The following RNF138 variants were observed in gnomAD, a reference collection of about 807,000 sequenced individuals.
RNF138 encodes E3 ubiquitin-protein ligase RNF138.
In RNF138, 12 loss-of-function variants were observed where a neutral mutation model predicts 31.0. The ratio of observed to expected loss-of-function variants is 0.39; its 90% confidence interval spans 0.25 to 0.63. The LOEUF is 0.63. RNF138 is among the 20% of genes least tolerant of loss of function. The pLI is 0.52. For missense variants in RNF138, 192 were observed against 300.1 expected (o/e 0.64, Z 2.66); for synonymous variants, 105 against 99.5 (o/e 1.06, Z -0.33).
chr18:32,092,644 T>C, intron 1 of RNF138, 56 bp from the exon 2 acceptor site: 1 of 654,180 alleles, frequency 1.5e-6, no homozygotes, highest in Non-Finnish European at 2.8e-6. Flanking sequence ...CCCGCCCCCT[T>C]CCTGGCGCGC....
intron 2 of RNF138, among the ~76,000 whole-genome samples, chr18:32,110,204 G>A (rs1489111613): frequency 6.6e-6 from 1 of 152,018 alleles, no homozygotes; most frequent in African/African-American, 2.4e-5. Context: ...TGTTGCCCAG[G>A]CTGGTCTTCA....
chr18:32,128,184 T>G lies in RNF138; in HGVS notation c.670-935T>G, dbSNP rs1454488960. On this transcript the variant is annotated intron_variant, in intron 7 of 7. Transcript: ENST00000261593. ...AAAATTGATAGCAAATATAATTTTTTAAATTAAGGAGTAGTTTTATAACGA... is the reference window on the plus strand; with the variant it reads ...AAAATTGATAGCAAATATAATTTTTGAAATTAAGGAGTAGTTTTATAACGA... 3.3e-5 allele frequency among the ~76,000 whole-genome samples: 5 copies of G among 152,386 alleles called. No individual in the cohort carries two copies. In the East Asian group the frequency reaches 9.6e-4, roughly 29 times the overall value.
chr18:32,092,479 G>T (rs1432373896), intron 1 of RNF138: 3 of 377,256 alleles, frequency 8.0e-6, no homozygotes, highest in Non-Finnish European at 1.5e-5. Context: ...GGTGAGGGGC[G>T]AGCGGGGCGG....
chr18:32,105,007 T>C (rs2040005764), intron 2 of RNF138, among the ~76,000 whole-genome samples: 1 of 152,206 alleles, frequency 6.6e-6, no homozygotes, highest in African/African-American at 2.4e-5. Flanking sequence ...CAATAGTAAT[T>C]AGTATGGTTG....
In RNF138 at chr18:32,129,549, A is replaced by C. The variant is rs1483622992; in HGVS notation, c.*362A>C. On this transcript the variant is annotated 3_prime_UTR_variant, in exon 8 of 8. Coordinates refer to ENST00000261593, the MANE Select transcript of RNF138 (RefSeq NM_016271.5). The stretch of plus-strand genomic sequence containing the variant: ...TACTTTATTATTGTACACATTTAAC[A>C]CACAGTAGCAAATTTTGAACGATGT... 2 of 169,886 alleles carry C rather than the reference A, an allele frequency of 1.2e-5. No homozygotes were observed. The highest frequency in any genetic ancestry group is 4.8e-5 in the African/African-American group (2 of 42,028). 10.5% of individuals were successfully genotyped at this position (169,886 alleles called of 1,614,324 possible). A position where few individuals can be genotyped will look rare whatever the true frequency, so the allele number is the denominator to read the frequency against.
At chr18:32,126,029 T>G (rs2040378147) in intron 6 of RNF138, among the ~76,000 whole-genome samples, 1 of 152,248 alleles carries the variant, frequency 6.6e-6, no homozygotes. Flanking sequence ...GGCTAGAGTT[T>G]AATTACTGAA....
At chr18:32,118,930 A>G (rs1416797542) in intron 4 of RNF138, among the ~76,000 whole-genome samples, 1 of 152,240 alleles carries the variant, frequency 6.6e-6, no homozygotes, top group African/African-American at 2.4e-5. Context: ...GTCTTTTGAC[A>G]TAGAAAAGTA....
At chr18:32,124,978 TCAA>T (rs904522785) in intron 6 of RNF138, 133 bp downstream of exon 6, 13 of 583,482 alleles carry the variant, frequency 2.2e-5, no homozygotes, top group African/African-American at 1.3e-4. Context: ...TAGATTTTTG[TCAA>T]CAAAGGATTG....
At chr18:32,111,975 C>A in intron 3 of RNF138, 56 bp downstream of exon 3, 17 of 1,288,406 alleles carry the variant, frequency 1.3e-5, no homozygotes, top group Non-Finnish European at 1.7e-5. Flanking sequence ...CTCTGAAATT[C>A]TTATTTGAAT....
intron 7 of RNF138, among the ~76,000 whole-genome samples, chr18:32,128,081 A>G (rs1475902958): frequency 6.6e-6 from 1 of 151,394 alleles, no homozygotes. Context: ...CTCCGTCTCA[A>G]AAAAGAAAAG....
At chr18:32,093,101 C>T (rs948529557) in intron 2 of RNF138, among the ~76,000 whole-genome samples, 2 of 147,938 alleles carry the variant, frequency 1.4e-5, no homozygotes, top group African/African-American at 5.0e-5. Flanking sequence ...CCCCCTCAGC[C>T]CAAGCTCCCG....
At chr18:32,104,169 A>T (rs1461180032) in intron 2 of RNF138, among the ~76,000 whole-genome samples, 1 of 151,838 alleles carries the variant, frequency 6.6e-6, no homozygotes, top group Non-Finnish European at 1.5e-5. Context: ...ATATGCCACC[A>T]TGCCTGGCGA....
chr18:32,101,332 C>T (rs992131583), intron 2 of RNF138, among the ~76,000 whole-genome samples: 1 of 151,502 alleles, frequency 6.6e-6, no homozygotes, highest in African/African-American at 2.4e-5. Flanking sequence ...CATTCTTCTA[C>T]CTCAGTCTTC....
intron 6 of RNF138, chr18:32,125,113 G>A (rs548581231): frequency 6.9e-6 from 2 of 291,372 alleles, no homozygotes; most frequent in South Asian, 7.4e-5. Context: ...AAGATGAACC[G>A]GGAACTCATT....
At chr18:32,112,651 C>A (rs1289502933) in intron 3 of RNF138, among the ~76,000 whole-genome samples, 1 of 151,952 alleles carries the variant, frequency 6.6e-6, no homozygotes, top group Non-Finnish European at 1.5e-5. Context: ...CATTGCACTC[C>A]AAACTGGGCA....
At chr18:32,112,610 C>T (rs993219002) in intron 3 of RNF138, among the ~76,000 whole-genome samples, 4 of 151,946 alleles carry the variant, frequency 2.6e-5, no homozygotes, top group African/African-American at 9.7e-5. Context: ...TGAACCTGGG[C>T]GGCAGAGGTT....
At chr18:32,116,677 A>G (rs1349057525) in intron 4 of RNF138, among the ~76,000 whole-genome samples, 3 of 151,602 alleles carry the variant, frequency 2.0e-5, no homozygotes, top group Admixed American at 2.0e-4. Flanking sequence ...TCAGCCTCCC[A>G]TGTAGCTAGG....
At chr18:32,113,940 TG>T in intron 4 of RNF138, 80 bp downstream of exon 4, 3 of 727,794 alleles carry the variant, frequency 4.1e-6, no homozygotes, top group Non-Finnish European at 7.0e-6. Context: ...ATAAGGTATT[TG>T]GGGGGATGTG....
chr18:32,113,139 C>A (rs1456461567), intron 3 of RNF138, among the ~76,000 whole-genome samples: 1 of 152,144 alleles, frequency 6.6e-6, no homozygotes. Context: ...GTGGCACAAT[C>A]TCGGCTCACT....
Sources: allele counts gnomAD v4.1 joint callset (sites outside exome capture counted in the v4.1 genomes callset), GRCh38; gene constraint gnomAD v4.1.1; transcripts MANE v1.5; gene names NCBI Gene and HGNC (gene_info 2026-07-23, HGNC 2026-07-21).